STIM2: variants seen among roughly 807,000 people sequenced by gnomAD.
STIM2 encodes stromal interaction molecule 2.
In STIM2, 31 loss-of-function variants were observed where a neutral mutation model predicts 85.8. The observed-to-expected ratio is 0.36, with a 90% CI of 0.27 to 0.49. The LOEUF is 0.49. STIM2 is among the 20% of genes least tolerant of loss of function. The pLI is 0.98. For missense variants in STIM2, 841 were observed against 927.6 expected (o/e 0.91, Z 1.21); for synonymous variants, 356 against 331.1 (o/e 1.08, Z -0.82).
chr4:26,959,406 G>A (rs1726368623), intron 3 of STIM2, among the ~76,000 whole-genome samples: 1 of 151,992 alleles, frequency 6.6e-6, no homozygotes, highest in African/African-American at 2.4e-5. Flanking sequence ...GTTTAACATT[G>A]CTAACCTCCC....
chr4:26,963,334 T>A (rs1726553914), intron 3 of STIM2, among the ~76,000 whole-genome samples: 1 of 152,170 alleles, frequency 6.6e-6, no homozygotes, highest in Non-Finnish European at 1.5e-5. Flanking sequence ...TTCTAAATGT[T>A]GATAAAATCC....
At chr4:26,939,037 A>C (rs934151735) in intron 2 of STIM2, among the ~76,000 whole-genome samples, 1 of 152,086 alleles carries the variant, frequency 6.6e-6, no homozygotes, top group Non-Finnish European at 1.5e-5. Flanking sequence ...GTTAATGTTA[A>C]TATTGGAAAC....
At chr4:26,972,081 C>T (rs1367998305) in intron 3 of STIM2, among the ~76,000 whole-genome samples, 2 of 152,168 alleles carry the variant, frequency 1.3e-5, no homozygotes, top group Non-Finnish European at 2.9e-5. Context: ...GATTTTTGCA[C>T]ATTGATTTTG....
chr4:26,904,270 A>G (rs1161073529), intron 1 of STIM2, among the ~76,000 whole-genome samples: 1 of 151,972 alleles, frequency 6.6e-6, no homozygotes, highest in East Asian at 1.9e-4. Context: ...ACATTTTTTC[A>G]GGTATAATTG....
chr4:26,997,344 G>A (rs1343378826), intron 4 of STIM2, among the ~76,000 whole-genome samples: 1 of 152,096 alleles, frequency 6.6e-6, no homozygotes, highest in Admixed American at 6.6e-5. Context: ...GCTAAAGGTA[G>A]CCAAAACTAT....
intron 10 of STIM2, among the ~76,000 whole-genome samples, chr4:27,014,139 T>G (rs1225679737): frequency 1.3e-5 from 2 of 151,994 alleles, no homozygotes; most frequent in Non-Finnish European, 1.5e-5. Flanking sequence ...ACAGTTTGTC[T>G]ATTTTATTTC....
chr4:26,939,065 A>G (rs10470823), intron 2 of STIM2, among the ~76,000 whole-genome samples: 38,112 of 151,946 alleles, frequency 0.25, 4,797 homozygotes, highest in East Asian at 0.31. Flanking sequence ...TATTTAGTTC[A>G]TTTACTAGGA....
At chr4:26,973,027 T>C (rs1402758657) in intron 3 of STIM2, among the ~76,000 whole-genome samples, 1 of 152,240 alleles carries the variant, frequency 6.6e-6, no homozygotes, top group Non-Finnish European at 1.5e-5. Flanking sequence ...TTTATTTGCG[T>C]AGAGGTGTTT....
At chr4:26,932,291 G>A (rs1343165592) in intron 2 of STIM2, among the ~76,000 whole-genome samples, 5 of 152,144 alleles carry the variant, frequency 3.3e-5, no homozygotes, top group Non-Finnish European at 5.9e-5. Flanking sequence ...GAATCTTAAC[G>A]TCTGTTTGAC....
intron 2 of STIM2, among the ~76,000 whole-genome samples, chr4:26,938,640 C>T (rs959008427): frequency 1.3e-5 from 2 of 152,096 alleles, no homozygotes; most frequent in Non-Finnish European, 2.9e-5. Context: ...TTTGGATTGT[C>T]GTAAGGTAAA....
At chr4:26,998,730 G>A (rs1464596121) in intron 4 of STIM2, among the ~76,000 whole-genome samples, 2 of 151,852 alleles carry the variant, frequency 1.3e-5, no homozygotes, top group East Asian at 3.9e-4. Context: ...GGCCAACATG[G>A]TGAAACCCCA....
intron 1 of STIM2, among the ~76,000 whole-genome samples, chr4:26,905,028 A>C (rs1724072936): frequency 6.6e-6 from 1 of 152,180 alleles, no homozygotes; most frequent in African/African-American, 2.4e-5. Context: ...GTTCTCTTCA[A>C]ATAGCTTCAT....
At chr4:26,996,472 A>G (rs1172636775) in intron 4 of STIM2, among the ~76,000 whole-genome samples, 1 of 151,992 alleles carries the variant, frequency 6.6e-6, no homozygotes, top group Non-Finnish European at 1.5e-5. Flanking sequence ...TACATGCCCT[A>G]TTTAGATAAG....
chr4:26,984,241 C>G (rs1372526795), intron 3 of STIM2, among the ~76,000 whole-genome samples: 1 of 152,148 alleles, frequency 6.6e-6, no homozygotes, highest in Non-Finnish European at 1.5e-5. Flanking sequence ...CCTGCCATTC[C>G]ATGTTTGTTA....
Position 26,861,181 on chromosome 4 carries a change from C to A in STIM2, c.-38C>A. ...CATCCCGCCTCGACTCCTGGCCCAG[C>A]GTGGGGCTGGCTGCTGCGGCGGCGG... On this transcript the variant is annotated 5_prime_UTR_variant, in exon 1 of 12. Coordinates refer to ENST00000467087, the MANE Select transcript of STIM2 (RefSeq NM_020860.4). The A allele has an allele frequency of 2.1e-6, 3 of 1,426,332 alleles. No homozygotes were observed. Among genetic ancestry groups the A allele is most frequent in the Non-Finnish European group, 2.8e-6 (3 of 1,088,204 alleles). 88.4% of individuals were successfully genotyped at this position (1,426,332 alleles called of 1,614,324 possible).
rs557903435 is a variant in STIM2 at position 26,961,939 on chromosome 4, C to T, written c.397+4213C>T. Reference sequence around the variant, plus strand: ...GCTTATTTTTTATTTTTTGTTGGGACGGGATCTTACTATGTTGCCAAGTCT... The same window carrying T: ...GCTTATTTTTTATTTTTTGTTGGGATGGGATCTTACTATGTTGCCAAGTCT... On this transcript the variant is annotated intron_variant, in intron 3 of 11. Coordinates refer to ENST00000467087, the MANE Select transcript of STIM2 (RefSeq NM_020860.4). Among the ~76,000 whole-genome samples, 125 of 152,052 alleles carry T rather than the reference C, an allele frequency of 8.2e-4. 4 individuals carry two copies. The South Asian group carries it at 0.017, about 20-fold the overall frequency.
At chr4:26,996,707 A>C (rs558604504) in intron 4 of STIM2, among the ~76,000 whole-genome samples, 47 of 152,282 alleles carry the variant, frequency 3.1e-4, no homozygotes, top group African/African-American at 1.1e-3. Flanking sequence ...CAAATAAAAT[A>C]TAGTTATTTT....
At chr4:26,992,450 C>G (rs1727800849) in intron 3 of STIM2, among the ~76,000 whole-genome samples, 1 of 151,976 alleles carries the variant, frequency 6.6e-6, no homozygotes, top group Admixed American at 6.6e-5. Flanking sequence ...TGTGGTGTCT[C>G]ATACCTGTAA....
chr4:26,923,453 A>C (rs1411228254), intron 2 of STIM2, among the ~76,000 whole-genome samples: 1 of 151,508 alleles, frequency 6.6e-6, no homozygotes, highest in East Asian at 2.0e-4. Context: ...GAGAAATAAA[A>C]TACTTTATAG....
Sources: allele counts gnomAD v4.1 joint callset (sites outside exome capture counted in the v4.1 genomes callset), GRCh38; gene constraint gnomAD v4.1.1; transcripts MANE v1.5; gene names NCBI Gene and HGNC (gene_info 2026-07-23, HGNC 2026-07-21).